The following BRIP1 variants were observed in gnomAD, a reference collection of about 807,000 sequenced individuals.
BRIP1 encodes Fanconi anemia group J protein.
In BRIP1, 88 loss-of-function variants were observed where a neutral mutation model predicts 119.7. That is an observed-to-expected ratio of 0.74 (90% CI 0.62 to 0.88). The LOEUF is 0.88. Among genes scored for constraint, BRIP1 ranks in the 40% least tolerant of loss-of-function variants. The pLI is 0.00. For synonymous variants in BRIP1, 443 were observed against 496.5 expected, an observed-to-expected ratio of 0.89 and a Z score of 1.43; for missense variants, 1,259 against 1,455.4, an observed-to-expected ratio of 0.87 and a Z score of 2.20.
Position 61,738,099 on chromosome 17 carries a change from C to T in BRIP1, c.2379+4914G>A, listed in dbSNP as rs1236272917. Among the ~76,000 whole-genome samples, 1 of 152,182 alleles carries T rather than the reference C, an allele frequency of 6.6e-6. No homozygotes were observed. The highest frequency in any genetic ancestry group is 1.5e-5 in the Non-Finnish European group (1 of 68,036). On this transcript the variant is annotated intron_variant, in intron 16 of 19. Coordinates refer to ENST00000259008, the MANE Select transcript of BRIP1 (RefSeq NM_032043.3). The surrounding 1 kb of genome is among the most constrained non-coding windows in gnomAD (Gnocchi z 4.2). The stretch of plus-strand genomic sequence containing the variant: ...AAATACAGGTGGAACAGAGCTGACT[C>T]AGTTGACTTCAACACAGATCAGCCA...
At chr17:61,812,317 T>G in intron 6 of BRIP1, among the ~76,000 whole-genome samples, 1 of 152,192 alleles carries the variant, frequency 6.6e-6, no homozygotes, top group Admixed American at 6.5e-5. Context: ...ACTTTTTTAT[T>G]TTCCCTTTGC....
chr17:61,849,033 C>G, intron 5 of BRIP1, 96 bp downstream of exon 5: 1 of 1,340,042 alleles, frequency 7.5e-7, no homozygotes, highest in Non-Finnish European at 1.1e-6. Flanking sequence ...TCACATGACC[C>G]AACTAATCTC....
chr17:61,859,500 T>C (rs1481338911), intron 3 of BRIP1, among the ~76,000 whole-genome samples: 1 of 152,138 alleles, frequency 6.6e-6, no homozygotes, highest in African/African-American at 2.4e-5. Context: ...CCTGGCTAAT[T>C]GATTGTCAAT....
At chr17:61,786,310 G>A (rs1468724068) in intron 10 of BRIP1, among the ~76,000 whole-genome samples, 1 of 151,828 alleles carries the variant, frequency 6.6e-6, no homozygotes, top group Non-Finnish European at 1.5e-5. Context: ...ATCTAAAATT[G>A]AAAACTCCAA....
rs1253624156 is a variant in BRIP1 at position 61,734,756 on chromosome 17, C to G, written c.2379+8257G>C. Among the ~76,000 whole-genome samples the G allele has an allele frequency of 6.6e-6, 1 of 152,162 alleles. No homozygotes were observed. The highest frequency in any genetic ancestry group is 1.5e-5 in the Non-Finnish European group (1 of 68,018). ...AACCCTGCTATTGAGACTGCAAAGTCTTATGTTAGTATTTTAAACTGTATT... is the reference window on the plus strand; with the variant it reads ...AACCCTGCTATTGAGACTGCAAAGTGTTATGTTAGTATTTTAAACTGTATT... On this transcript the variant is annotated intron_variant, in intron 16 of 19. Coordinates refer to ENST00000259008, the MANE Select transcript of BRIP1 (RefSeq NM_032043.3). This position sits in a 1 kb window ranked among gnomAD's most constrained non-coding sequence, Gnocchi z 5.2.
At chr17:61,817,568 C>A (rs976675568) in intron 6 of BRIP1, among the ~76,000 whole-genome samples, 1 of 152,108 alleles carries the variant, frequency 6.6e-6, no homozygotes, top group Admixed American at 6.5e-5. Context: ...GCAGCACTAC[C>A]CAACAGGATT....
intron 3 of BRIP1, among the ~76,000 whole-genome samples, chr17:61,858,467 A>G (rs994340075): frequency 6.7e-6 from 1 of 150,092 alleles, no homozygotes; most frequent in Non-Finnish European, 1.5e-5. Flanking sequence ...TCCACCTCCC[A>G]GGTTCAAGTG....
At position 61,753,732 on chromosome 17, in the gene BRIP1, G is replaced by A. The variant is rs1451966918; in HGVS notation, c.2098-9141C>T. ...TCCTCCCACCTCAACCTCTCAAGTA[G>A]CTGGGACTACAGGTATGCACTGCCA... is the stretch of plus-strand genomic sequence containing the variant. On this transcript the variant is annotated intron_variant, in intron 14 of 19. Coordinates refer to ENST00000259008, the MANE Select transcript of BRIP1 (RefSeq NM_032043.3). This position sits in a 1 kb window ranked among gnomAD's most constrained non-coding sequence, Gnocchi z 4.6. Among the ~76,000 whole-genome samples, 2 of 151,722 alleles carry A rather than the reference G, an allele frequency of 1.3e-5. No individual in the cohort carries two copies. Among genetic ancestry groups the A allele is most frequent in the Non-Finnish European group, 2.9e-5 (2 of 67,992 alleles).
At position 61,725,930 on chromosome 17, in the gene BRIP1, A is replaced by G. The variant is rs542446524; in HGVS notation, c.2380-9867T>C. On this transcript the variant is annotated intron_variant, in intron 16 of 19. Coordinates refer to ENST00000259008, the MANE Select transcript of BRIP1 (RefSeq NM_032043.3). This position sits in a 1 kb window ranked among gnomAD's most constrained non-coding sequence, Gnocchi z 5.3. Reference sequence around the variant, plus strand: ...TGTTATCCACCATGCCTGGCCTAAAAAATTCTTTTTAAGAGTAATGACCTT... The same window carrying G: ...TGTTATCCACCATGCCTGGCCTAAAGAATTCTTTTTAAGAGTAATGACCTT... 4.6e-5 allele frequency among the ~76,000 whole-genome samples: 7 copies of G among 152,246 alleles called. No homozygotes were observed. The South Asian group carries it at 1.4e-3, about 32-fold the overall frequency.
chr17:61,719,825 G>T (rs947345254), intron 16 of BRIP1, among the ~76,000 whole-genome samples: 19 of 151,788 alleles, frequency 1.3e-4, no homozygotes, highest in Admixed American at 2.6e-4. Flanking sequence ...GGAGATATTT[G>T]TTTTTTGTCT....
Position 61,742,924 on chromosome 17 carries a change from A to G in BRIP1, c.2379+89T>C. ...TTGTAAAAAAGCACTATAAAAGCAA[A>G]GCGCAATAAAATGAGGGATCCCTGC... On this transcript the variant is annotated intron_variant, in intron 16 of 19. Coordinates refer to ENST00000259008, the MANE Select transcript of BRIP1 (RefSeq NM_032043.3). The surrounding 1 kb of genome is among the most constrained non-coding windows in gnomAD (Gnocchi z 4.7). The G allele has an allele frequency of 1.3e-6, 2 of 1,516,704 alleles. No homozygotes were observed. The allele number at this position is 1,516,704 out of a possible 1,614,324, so 94.0% of individuals were successfully genotyped here. A position where few individuals can be genotyped will look rare whatever the true frequency, so the allele number is the denominator to read the frequency against.
chr17:61,700,525 C>T lies in BRIP1; in HGVS notation c.2493-7013G>A, dbSNP rs973212364. 2.6e-5 allele frequency among the ~76,000 whole-genome samples: 4 copies of T among 152,156 alleles called. No individual in the cohort carries two copies. Among genetic ancestry groups the T allele is most frequent in the Non-Finnish European group, 5.9e-5 (4 of 68,022 alleles). ...GCACTTTGAACATGTCAATTAACTG[C>T]TTCCTGGTCTGGAGGATGTTTTGTA... On this transcript the variant is annotated intron_variant, in intron 17 of 19. Transcript: ENST00000259008. This position sits in a 1 kb window ranked among gnomAD's most constrained non-coding sequence, Gnocchi z 4.1.
rs756499865 is a variant in BRIP1, at chr17:61,808,645, T to C, written c.740A>G (p.Tyr247Cys). ...HTGKSKIPKI[Y>C]FGTRTHKQIA... ...CTGCTTGTGTGTGCGTGTCCCAAAA[T>C]ATATTTTGGGTATCTTGGATTTCCC... Residue 247 changes from tyrosine to cysteine, a missense_variant, in exon 7 of 20, where the codon TAT becomes TGT. By Grantham distance (194) the Tyr-to-Cys change is radical (BLOSUM62 -2). Around this residue, in one of 3 missense-constraint regions of BRIP1, gnomAD observed 501 missense variants for 544.0 expected, o/e 0.92. Transcript: ENST00000259008. The surrounding 1 kb of genome is among the most constrained non-coding windows in gnomAD (Gnocchi z 4.1). The C allele has an allele frequency of 3.1e-6, 5 of 1,613,992 alleles. No individual in the cohort carries two copies. The highest frequency in any genetic ancestry group is 4.2e-6 in the Non-Finnish European group (5 of 1,179,914).
At position 61,701,132 on chromosome 17, in the gene BRIP1, TCTA is replaced by T. The variant is rs2061607623; in HGVS notation, c.2493-7623_2493-7621del. On this transcript the variant is annotated intron_variant, in intron 17 of 19. Transcript: ENST00000259008. This position sits in a 1 kb window ranked among gnomAD's most constrained non-coding sequence, Gnocchi z 5.1. ...CTTTCTCTCCTAAGGCATAGCTTTG[TCTA>T]CTAAGACAAATGTCTGGGTTTCCTC... is the stretch of plus-strand genomic sequence containing the variant. Among the ~76,000 whole-genome samples, 1 of 152,222 alleles carries T rather than the reference TCTA, an allele frequency of 6.6e-6. No individual in the cohort carries two copies. The highest frequency in any genetic ancestry group is 1.5e-5 in the Non-Finnish European group (1 of 68,042).
Position 61,780,270 on chromosome 17 carries a change from T to C in BRIP1, c.1926A>G (p.Lys642=), listed in dbSNP as rs2145074724. The C allele has an allele frequency of 6.2e-7, 1 of 1,613,372 alleles. No individual in the cohort carries two copies. The highest frequency in any genetic ancestry group is 8.5e-7 in the Non-Finnish European group (1 of 1,179,578). The stretch of plus-strand genomic sequence containing the variant: ...AAAAACAACAACTAACCTGTGAATT[T>C]TTAATGATATGATTAGCCTCCAGCT... The part of the protein sequence containing the change: ...TIQLEANHII[K]NSQVWVGTIG... The change falls in exon 13 of 20, where the codon AAA becomes AAG. Residue 642 remains lysine, a synonymous_variant. Transcript: ENST00000259008. This position sits in a 1 kb window ranked among gnomAD's most constrained non-coding sequence, Gnocchi z 5.4.
In BRIP1 at chr17:61,861,426, T is replaced by C. The variant is rs1298157290; in HGVS notation, c.93+21A>G. On this transcript the variant is annotated intron_variant, in intron 2 of 19. Transcript: ENST00000259008. This position sits in a 1 kb window ranked among gnomAD's most constrained non-coding sequence, Gnocchi z 4.5. ...AAGTATCTATATCTTAATAAAAACT[T>C]AACTGCTGAAAAATACTTACAGAAT... The C allele has an allele frequency of 6.5e-7, 1 of 1,536,600 alleles. No individual in the cohort carries two copies. Among genetic ancestry groups the C allele is most frequent in the South Asian group, 1.1e-5 (1 of 89,370 alleles).
chr17:61,712,784 G>A (rs1225793415), intron 17 of BRIP1, among the ~76,000 whole-genome samples: 2 of 151,882 alleles, frequency 1.3e-5, no homozygotes, highest in Non-Finnish European at 2.9e-5. Context: ...CGAGCCTGTA[G>A]TGCCAGCTAC....
intron 18 of BRIP1, among the ~76,000 whole-genome samples, chr17:61,692,640 A>G (rs545675951): frequency 6.6e-6 from 1 of 152,298 alleles, no homozygotes; most frequent in South Asian, 2.1e-4. Flanking sequence ...AGAAATGCAA[A>G]TCAAATCCAC....
In BRIP1 at chr17:61,758,385, G is replaced by C. The variant is rs1470816071; in HGVS notation, c.2098-13794C>G. 1.3e-5 allele frequency among the ~76,000 whole-genome samples: 2 copies of C among 152,164 alleles called. No homozygotes were observed. The highest frequency in any genetic ancestry group is 6.6e-5 in the Admixed American group (1 of 15,264). On this transcript the variant is annotated intron_variant, in intron 14 of 19. Transcript: ENST00000259008. The surrounding 1 kb of genome is among the most constrained non-coding windows in gnomAD (Gnocchi z 5.3). ...AGTGCTCTTGCACTATTAGAATTCAGGCTGAGGGAAGCAGATGAATAAGAA... is the reference window on the plus strand; with the variant it reads ...AGTGCTCTTGCACTATTAGAATTCACGCTGAGGGAAGCAGATGAATAAGAA...
Sources: allele counts gnomAD v4.1 joint callset (sites outside exome capture counted in the v4.1 genomes callset), GRCh38; gene constraint gnomAD v4.1.1; regional missense constraint gnomAD v4.1.1; non-coding constraint Gnocchi (gnomAD v3.1); transcripts MANE v1.5; gene names NCBI Gene and HGNC (gene_info 2026-07-23, HGNC 2026-07-21).